Variants in FOXP1 observed in about 807,000 individuals in gnomAD.
FOXP1 encodes the protein forkhead box P1, also known as forkhead box protein P1.
Under a neutral mutation model 98.2 loss-of-function variants are expected in FOXP1, and 15 were observed. The observed-to-expected ratio is 0.15, with a 90% CI of 0.10 to 0.24. The LOEUF is 0.24. Ranked by LOEUF, FOXP1 falls within the 10% of genes least tolerant of loss-of-function variation. The pLI, the probability that FOXP1 is intolerant of heterozygous loss-of-function variation, is 1.00. For missense variants in FOXP1, 633 were observed against 848.5 expected (o/e 0.75, Z 3.15); for synonymous variants, 371 against 314.5 (o/e 1.18, Z -1.90).
chr3:71,211,530 C>T (rs1018514693), intron 5 of FOXP1, among the ~76,000 whole-genome samples: 1 of 151,990 alleles, frequency 6.6e-6, no homozygotes, highest in Non-Finnish European at 1.5e-5. Flanking sequence ...CTTCTATGTA[C>T]CCAGTTTACT....
At chr3:71,067,124 G>C (rs1368367696) in intron 7 of FOXP1, among the ~76,000 whole-genome samples, 1 of 152,176 alleles carries the variant, frequency 6.6e-6, no homozygotes, top group African/African-American at 2.4e-5. Flanking sequence ...TGACAAAAGA[G>C]AGAGGGAAAT....
intron 5 of FOXP1, among the ~76,000 whole-genome samples, chr3:71,258,906 G>C (rs1026957589): frequency 5.3e-5 from 8 of 152,184 alleles, no homozygotes; most frequent in African/African-American, 1.7e-4. Flanking sequence ...AGCACTGTGG[G>C]AGTCCCAGAC....
At chr3:71,111,396 A>G (rs2057908398) in intron 7 of FOXP1, among the ~76,000 whole-genome samples, 1 of 151,876 alleles carries the variant, frequency 6.6e-6, no homozygotes, top group Non-Finnish European at 1.5e-5. Context: ...CCCAAATTAG[A>G]TTTTTTTTGT....
intron 3 of FOXP1, among the ~76,000 whole-genome samples, chr3:71,457,305 G>A (rs1489353564): frequency 6.6e-6 from 1 of 152,270 alleles, no homozygotes; most frequent in South Asian, 2.1e-4. Flanking sequence ...CAGTAGTACT[G>A]TACCCACATG....
At chr3:71,297,455 C>G (rs951431536) in intron 5 of FOXP1, among the ~76,000 whole-genome samples, 6 of 125,572 alleles carry the variant, frequency 4.8e-5, no homozygotes, top group African/African-American at 1.8e-4. Context: ...GATATTGAAT[C>G]AGAAGAAAAA....
intron 3 of FOXP1, among the ~76,000 whole-genome samples, chr3:71,416,423 T>C (rs2083216971): frequency 6.6e-6 from 1 of 152,012 alleles, no homozygotes. Flanking sequence ...ACACCACCTG[T>C]AATCCCAGCT....
chr3:71,517,352 T>A (rs552685294), intron 2 of FOXP1, among the ~76,000 whole-genome samples: 1 of 152,206 alleles, frequency 6.6e-6, no homozygotes, highest in African/African-American at 2.4e-5. Flanking sequence ...ATGACTTAAA[T>A]AAGTAACAAT....
chr3:71,323,589 G>A (rs1351621287), intron 4 of FOXP1, among the ~76,000 whole-genome samples: 2 of 152,104 alleles, frequency 1.3e-5, no homozygotes, highest in East Asian at 1.9e-4. Context: ...TGTGTAACTA[G>A]TTCAGTTTTA....
At chr3:71,091,311 G>T (rs1473022598) in intron 7 of FOXP1, among the ~76,000 whole-genome samples, 1 of 151,988 alleles carries the variant, frequency 6.6e-6, no homozygotes, top group Non-Finnish European at 1.5e-5. Flanking sequence ...CCAACATGAA[G>T]AAACCCCGTC....
chr3:71,448,061 T>C (rs1001747061), intron 3 of FOXP1, among the ~76,000 whole-genome samples: 2 of 152,174 alleles, frequency 1.3e-5, no homozygotes, highest in African/African-American at 4.8e-5. Context: ...CACGGGTTGA[T>C]GCCTCTAAAC....
At chr3:71,581,271 G>A (rs1281138744) in intron 2 of FOXP1, 2 of 985,272 alleles carry the variant, frequency 2.0e-6, no homozygotes, top group South Asian at 9.4e-5. Flanking sequence ...GGGGGGCGAG[G>A]ATGTCACCAT....
At chr3:71,576,768 T>A (rs1307659621) in intron 2 of FOXP1, among the ~76,000 whole-genome samples, 4 of 152,078 alleles carry the variant, frequency 2.6e-5, no homozygotes, top group African/African-American at 9.7e-5. Flanking sequence ...CCCCCTCCCC[T>A]CCTTTTGAAA....
At chr3:71,345,311 C>T (rs2077257404) in intron 4 of FOXP1, among the ~76,000 whole-genome samples, 1 of 151,544 alleles carries the variant, frequency 6.6e-6, no homozygotes, top group African/African-American at 2.4e-5. Context: ...TTGCTTGAAC[C>T]CAGAAGGCAG....
intron 6 of FOXP1, among the ~76,000 whole-genome samples, chr3:71,123,769 C>CT (rs973327575): frequency 2.0e-5 from 3 of 152,060 alleles, no homozygotes; most frequent in African/African-American, 4.8e-5. Flanking sequence ...TCTTCTTCTT[C>CT]TTTTTTTGGT....
At chr3:71,258,637 C>G (rs1285638264) in intron 5 of FOXP1, among the ~76,000 whole-genome samples, 2 of 152,076 alleles carry the variant, frequency 1.3e-5, no homozygotes, top group Non-Finnish European at 2.9e-5. Flanking sequence ...ACAGGAAGGG[C>G]AGAAAGCAGG....
At chr3:71,560,557 C>T (rs1426277472) in intron 2 of FOXP1, among the ~76,000 whole-genome samples, 5 of 152,028 alleles carry the variant, frequency 3.3e-5, no homozygotes, top group Admixed American at 1.3e-4. Flanking sequence ...CTTCTAGGTA[C>T]GTACCAAAGA....
At position 71,000,977 on chromosome 3, in the gene FOXP1, G is replaced by T. The variant is rs760567824; in HGVS notation, c.1057C>A (p.Leu353Ile). Residue 353 changes from leucine to isoleucine, a missense_variant, in exon 13 of 21, where the codon CTA becomes ATA. Coordinates refer to ENST00000649528, the MANE Select transcript of FOXP1 (RefSeq NM_001349338.3). ...AAAAATAAATGTGGTTTTACCTGTA[G>T]CTCTAACTGCTGTACAACCTGCATT... ...VQMQVVQQLELQLAKDKERLQ... is the reference protein window; with the variant it reads ...VQMQVVQQLEIQLAKDKERLQ... 27 of 1,605,062 alleles carry T rather than the reference G, an allele frequency of 1.7e-5. No homozygotes were observed. In the East Asian group the frequency reaches 6.0e-4, roughly 36 times the overall value.
Position 71,511,897 on chromosome 3 carries a change from T to G in FOXP1, c.-297-18342A>C, listed in dbSNP as rs1034194444. ...TGTAATAATCCAATTAGCACATCTT[T>G]TTTGGAAACTAAATTAATCTTAACA... On this transcript the variant is annotated intron_variant, in intron 2 of 20. Transcript: ENST00000649528. Among the ~76,000 whole-genome samples the G allele has an allele frequency of 2.6e-5, 4 of 152,220 alleles. No homozygotes were observed. The South Asian group carries it at 8.3e-4, about 32-fold the overall frequency.
intron 3 of FOXP1, among the ~76,000 whole-genome samples, chr3:71,455,364 C>T (rs1490569325): frequency 6.6e-6 from 1 of 152,086 alleles, no homozygotes; most frequent in East Asian, 1.9e-4. Flanking sequence ...TGTCTAGGAC[C>T]AAACCAACTC....
Sources: gnomAD v4.1 joint callset for allele counts (sites outside exome capture counted in the v4.1 genomes callset) on GRCh38, gnomAD v4.1.1 for gene constraint, MANE v1.5 for transcripts, NCBI Gene and HGNC (gene_info 2026-07-23, HGNC 2026-07-21) for gene names.